Variants in TMEM230 observed in about 807,000 individuals in gnomAD.
TMEM230 encodes transmembrane protein 230, also known as UPF0414 transmembrane protein C20orf30.
A neutral mutation model predicts 15.8 loss-of-function variants in TMEM230; 10 were observed. The ratio of observed to expected loss-of-function variants is 0.63; its 90% CI spans 0.39 to 1.07. TMEM230 has a LOEUF of 1.07. TMEM230 is among the 50% of genes least tolerant of loss of function. The pLI is 0.01. For missense variants in TMEM230, 165 were observed against 193.3 expected (o/e 0.85, Z 0.87); for synonymous variants, 67 against 76.9 (o/e 0.87, Z 0.68).
At chr20:5,106,781 T>C (rs1054329495) in intron 3 of TMEM230, among the ~76,000 whole-genome samples, 1 of 152,102 alleles carries the variant, frequency 6.6e-6, no homozygotes, top group Admixed American at 6.5e-5. Context: ...TTACAGCTCA[T>C]TGCAGCCTCG....
intron 4 of TMEM230, among the ~76,000 whole-genome samples, chr20:5,103,619 A>G (rs1224540300): frequency 6.7e-6 from 1 of 150,102 alleles, no homozygotes; most frequent in African/African-American, 2.5e-5. Flanking sequence ...TGACACAGTG[A>G]GATTCTGTCT....
chr20:5,070,695 C>T (rs1036629549), intron 3 of TMEM230, among the ~76,000 whole-genome samples: 2 of 152,170 alleles, frequency 1.3e-5, no homozygotes, highest in African/African-American at 4.8e-5. Context: ...AGGGTGAAGA[C>T]CTAACAAATA....
intron 1 of TMEM230, chr20:5,112,752 G>T: frequency 6.8e-7 from 1 of 1,462,346 alleles, no homozygotes; most frequent in South Asian, 1.4e-5. Context: ...CCCGTCTTCA[G>T]ACCTTGCCAG....
At chr20:5,069,995 C>A (rs947997034) in intron 3 of TMEM230, among the ~76,000 whole-genome samples, 17 of 152,200 alleles carry the variant, frequency 1.1e-4, no homozygotes, top group African/African-American at 3.9e-4. Context: ...CAGGTGTGAG[C>A]CACTGCGCCC....
At chr20:5,091,591 G>A (rs6139619) in intron 3 of TMEM230, among the ~76,000 whole-genome samples, 3 of 152,124 alleles carry the variant, frequency 2.0e-5, no homozygotes, top group African/African-American at 7.2e-5. Context: ...TGGAACCCAA[G>A]GATATGATGG....
At chr20:5,072,428 A>C (rs1018371986) in intron 3 of TMEM230, among the ~76,000 whole-genome samples, 1 of 152,160 alleles carries the variant, frequency 6.6e-6, no homozygotes, top group African/African-American at 2.4e-5. Flanking sequence ...GTTCCAGGGA[A>C]GGATAGCCAC....
chr20:5,076,023 C>T (rs1318039388), intron 3 of TMEM230, among the ~76,000 whole-genome samples: 2 of 151,558 alleles, frequency 1.3e-5, no homozygotes, highest in East Asian at 1.9e-4. Flanking sequence ...GTGGGAGGGT[C>T]GCTTGAGCTT....
rs1027284781 is a variant in TMEM230 at position 5,112,680 on chromosome 20, A to G, written c.68+281T>C. The G allele has an allele frequency of 1.0e-5, 14 of 1,398,958 alleles. No individual in the cohort carries two copies. In the African/African-American group the frequency reaches 1.9e-4, roughly 19 times the overall value. 86.7% of individuals were successfully genotyped at this position (1,398,958 alleles called of 1,614,324 possible). A position where few individuals can be genotyped will look rare whatever the true frequency, so the allele number is the denominator to read the frequency against. On this transcript the variant is annotated intron_variant, in intron 1 of 4. Coordinates refer to ENST00000342308, the MANE Select transcript of TMEM230 (RefSeq NM_001009923.2). ...TGAATGTTACGAGAGTTCTAAAAGC[A>G]TCATAAAACGTTTGGCACACAGTGC...
At chr20:5,070,483 AC>A (rs1445356424) in intron 3 of TMEM230, among the ~76,000 whole-genome samples, 2 of 152,192 alleles carry the variant, frequency 1.3e-5, no homozygotes, top group East Asian at 3.8e-4. Context: ...CGGAAGAGTG[AC>A]TAAGCCAGGA....
At chr20:5,099,798 T>C (rs899803887), downstream of TMEM230, 9 of 928,828 alleles carry the variant, frequency 9.7e-6, no homozygotes, top group Admixed American at 3.7e-4. Flanking sequence ...CTAAGGTAGA[T>C]CTAGGTACTG....
intron 3 of TMEM230, among the ~76,000 whole-genome samples, chr20:5,075,617 C>G (rs549656964): frequency 6.6e-6 from 1 of 151,496 alleles, no homozygotes; most frequent in Non-Finnish European, 1.5e-5. Context: ...CCCAGCTACT[C>G]GGGAGGATGA....
intron 3 of TMEM230, among the ~76,000 whole-genome samples, chr20:5,082,712 G>A (rs1272367983): frequency 6.6e-6 from 1 of 152,096 alleles, no homozygotes. Context: ...CCAAAATGCT[G>A]GGATTACAGA....
intron 1 of TMEM230, chr20:5,111,774 T>G (rs1390501306): frequency 2.0e-6 from 2 of 982,694 alleles, no homozygotes; most frequent in African/African-American, 3.5e-5. Context: ...CTAGTCTTTG[T>G]TAGATGCCAG....
downstream of TMEM230, among the ~76,000 whole-genome samples, chr20:5,064,784 GA>G (rs2088636341): frequency 6.6e-6 from 1 of 152,012 alleles, no homozygotes; most frequent in African/African-American, 2.4e-5. Flanking sequence ...GGACATTTTT[GA>G]AAAAGGTGAT....
At chr20:5,075,358 C>T (rs2088956223) in intron 3 of TMEM230, among the ~76,000 whole-genome samples, 1 of 151,716 alleles carries the variant, frequency 6.6e-6, no homozygotes, top group South Asian at 2.1e-4. Flanking sequence ...AGCCACCGCG[C>T]CCGGCCTAAA....
At chr20:5,094,147 C>T (rs1379416037) in intron 3 of TMEM230, among the ~76,000 whole-genome samples, 3 of 151,230 alleles carry the variant, frequency 2.0e-5, no homozygotes, top group Non-Finnish European at 4.4e-5. Flanking sequence ...TTAGTTGAGA[C>T]GGCGTTTCAC....
rs113973297 is a variant in TMEM230, at chr20:5,080,571, CT to C, written c.223-11223del. ...TTTTTAGTTTCTAAAGTCTTTCTGT[CT>C]TTTTTTTTTTTTGAAATGGAGTCTC... On this transcript the variant is annotated intron_variant, in intron 3 of 3. Coordinates refer to the TMEM230 transcript ENST00000612323. Among the ~76,000 whole-genome samples, 832 of 144,440 alleles carry C rather than the reference CT, an allele frequency of 5.8e-3. 5 individuals carry two copies. The highest frequency in any genetic ancestry group is 0.017 in the South Asian group (76 of 4,588). 94.8% of individuals were successfully genotyped at this position (144,440 alleles called of 152,430 possible). A position where few individuals can be genotyped will look rare whatever the true frequency, so the allele number is the denominator to read the frequency against.
chr20:5,097,466 T>G (rs1022086424), downstream of TMEM230, among the ~76,000 whole-genome samples: 4 of 152,068 alleles, frequency 2.6e-5, no homozygotes, highest in Non-Finnish European at 5.9e-5. Context: ...CACTTTGGAG[T>G]GGGGAGGAGG....
downstream of TMEM230, among the ~76,000 whole-genome samples, chr20:5,099,232 A>AAATCAATCAATC (rs145559832): frequency 1.3e-5 from 1 of 78,994 alleles, no homozygotes. Context: ...ATAAATAAAT[A>AAATCAATCAATC]AATCAATCAA....
Sources: allele counts gnomAD v4.1 joint callset (sites outside exome capture counted in the v4.1 genomes callset), GRCh38; gene constraint gnomAD v4.1.1; transcripts MANE v1.5; gene names NCBI Gene and HGNC (gene_info 2026-07-23, HGNC 2026-07-21).